The following DIAPH1 variants were observed in gnomAD, a reference collection of about 807,000 sequenced individuals.
The protein encoded by DIAPH1 is diaphanous related formin 1, also known as protein diaphanous homolog 1.
In DIAPH1, 46 loss-of-function variants were observed where a neutral mutation model predicts 140.7. The observed-to-expected ratio is 0.33, with a 90% CI of 0.26 to 0.42. DIAPH1 has a LOEUF of 0.42. Ranked by LOEUF, DIAPH1 falls within the 10% of genes least tolerant of loss-of-function variation. DIAPH1 has a pLI of 1.00. For missense variants in DIAPH1, 1,310 were observed against 1,558.7 expected (o/e 0.84, Z 2.69); for synonymous variants, 565 against 551.6 (o/e 1.02, Z -0.34).
intron 18 of DIAPH1, among the ~76,000 whole-genome samples, chr5:141,542,491 C>T (rs72790087): frequency 0.023 from 3,439 of 151,884 alleles, 53 homozygotes; most frequent in East Asian, 0.046. Flanking sequence ...CAAACTGTGG[C>T]ATATGCAATG....
At chr5:141,553,620 G>A (rs2099892092) in intron 18 of DIAPH1, among the ~76,000 whole-genome samples, 1 of 151,852 alleles carries the variant, frequency 6.6e-6, no homozygotes, top group African/African-American at 2.4e-5. Flanking sequence ...TCCAGCCTGG[G>A]CAACAAGAGC....
rs1314757838 is a variant in DIAPH1, at chr5:141,515,481, G to A, written c.*1370C>T. 1 of 152,178 alleles carries A rather than the reference G, an allele frequency of 6.6e-6. No homozygotes were observed. The highest frequency in any genetic ancestry group is 1.5e-5 in the Non-Finnish European group (1 of 68,058). 9.4% of individuals were successfully genotyped at this position (152,178 alleles called of 1,614,324 possible). A position where few individuals can be genotyped will look rare whatever the true frequency, so the allele number is the denominator to read the frequency against. On this transcript the variant is annotated 3_prime_UTR_variant, in exon 28 of 28. Transcript: ENST00000389054. ...GGAAAGCTGAGAGGGGCACAAGGAGGGCAAAAGTATCACCCTAAGCCAGAG... is the reference window on the plus strand; with the variant it reads ...GGAAAGCTGAGAGGGGCACAAGGAGAGCAAAAGTATCACCCTAAGCCAGAG...
intron 8 of DIAPH1, among the ~76,000 whole-genome samples, chr5:141,579,809 G>A (rs980661681): frequency 6.6e-6 from 1 of 152,006 alleles, no homozygotes; most frequent in Non-Finnish European, 1.5e-5. Context: ...TTAGCCAGGC[G>A]TGGTGGCGGA....
rs183762211 is a variant in DIAPH1, at chr5:141,616,356, C to T, written c.117+2442G>A. 3.7e-4 allele frequency among the ~76,000 whole-genome samples: 57 copies of T among 152,282 alleles called. No individual in the cohort carries two copies. In the Middle Eastern group the frequency reaches 0.01, roughly 27 times the overall value. ...TAAACCCTCAAATGCAAACAACCTT[C>T]GGGCACACTTAGTCCAAACCAGTGC... On this transcript the variant is annotated intron_variant, in intron 1 of 27. Transcript: ENST00000389054.
At chr5:141,526,739 C>T (rs1165343865) in intron 24 of DIAPH1, among the ~76,000 whole-genome samples, 1 of 152,066 alleles carries the variant, frequency 6.6e-6, no homozygotes, top group Non-Finnish European at 1.5e-5. Context: ...GTTCTATCGC[C>T]GGGCAGGAGT....
chr5:141,517,125 A>G, intron 27 of DIAPH1, 117 bp from the exon 28 acceptor site: 1 of 1,166,820 alleles, frequency 8.6e-7, no homozygotes, highest in East Asian at 2.5e-5. Context: ...GCCACTTCAC[A>G]GAGGCCCTTA....
rs1423763793 is a variant in DIAPH1 at position 141,516,968 on chromosome 5, A to T, written c.3702T>A (p.Ala1234=). 6.2e-7 allele frequency: 1 copy of T among 1,614,210 alleles called. No individual in the cohort carries two copies. The highest frequency in any genetic ancestry group is 8.5e-7 in the Non-Finnish European group (1 of 1,180,038). ...KAGCAVTSLL[A]SELTKDDAMA... ...TGGCATCATCCTTGGTCAGCTCCGA[A>T]GCTAGCAGAGATGTGACTGCACACC... is the stretch of plus-strand genomic sequence containing the variant. The change falls in exon 28 of 28, where the codon GCT becomes GCA. Residue 1234 remains alanine (A), a synonymous_variant. Coordinates refer to ENST00000389054, the MANE Select transcript of DIAPH1 (RefSeq NM_005219.5).
At position 141,526,320 on chromosome 5, in the gene DIAPH1, G is replaced by T. The variant is rs758163133; in HGVS notation, c.3415C>A (p.His1139Asn). The part of the protein sequence containing the change: ...LSVEEFFMDL[H>N]NFRNMFLQAV... ...ACCAAAAACATATTCCGAAAATTGTGAAGATCCATGAAAAATTCTTCAACA... is the reference window on the plus strand; with the variant it reads ...ACCAAAAACATATTCCGAAAATTGTTAAGATCCATGAAAAATTCTTCAACA... The change falls in exon 25 of 28, where the codon CAC becomes AAC. Residue 1139 changes from histidine (H) to asparagine (N), a missense_variant. By Grantham distance (68) the His-to-Asn change is moderately conservative (BLOSUM62 1). Transcript: ENST00000389054. The T allele has an allele frequency of 2.4e-5, 38 of 1,614,094 alleles. 1 individual carries two copies. The South Asian group carries it at 4.0e-4, about 17-fold the overall frequency.
intron 18 of DIAPH1, among the ~76,000 whole-genome samples, chr5:141,557,480 T>TAA (rs56178659): frequency 6.6e-6 from 1 of 152,174 alleles, no homozygotes; most frequent in South Asian, 2.1e-4. Context: ...TAACATTTTT[T>TAA]AAAAAAATTC....
At chr5:141,612,646 G>C (rs938351721) in intron 1 of DIAPH1, among the ~76,000 whole-genome samples, 1 of 152,208 alleles carries the variant, frequency 6.6e-6, no homozygotes, top group Non-Finnish European at 1.5e-5. Flanking sequence ...ACGAGGATGG[G>C]TGAGAGGGAG....
At chr5:141,606,361 C>G (rs2099900963) in intron 1 of DIAPH1, among the ~76,000 whole-genome samples, 1 of 152,126 alleles carries the variant, frequency 6.6e-6, no homozygotes, top group South Asian at 2.1e-4. Context: ...GTAACAATCC[C>G]TAAGGGCACT....
intron 18 of DIAPH1, among the ~76,000 whole-genome samples, chr5:141,538,471 G>A (rs1377181428): frequency 6.6e-6 from 1 of 152,062 alleles, no homozygotes; most frequent in Admixed American, 6.5e-5. Context: ...TCCTGCCTCA[G>A]CATCCCAAGT....
In DIAPH1 at chr5:141,565,468, A is replaced by G. The variant is rs1022067688; in HGVS notation, c.2482+5960T>C. Among the ~76,000 whole-genome samples, 2 of 152,222 alleles carry G rather than the reference A, an allele frequency of 1.3e-5. No individual in the cohort carries two copies. Among genetic ancestry groups the G allele is most frequent in the African/African-American group, 4.8e-5 (2 of 41,468 alleles). Reference sequence around the variant, plus strand: ...ACCCTGTATTTCCAGTGTATTCTACATATTTGTTAAAATGATGATAACAAA... The same window carrying G: ...ACCCTGTATTTCCAGTGTATTCTACGTATTTGTTAAAATGATGATAACAAA... On this transcript the variant is annotated intron_variant, in intron 18 of 27. Transcript: ENST00000389054. The surrounding 1 kb of genome is among the most constrained non-coding windows in gnomAD (Gnocchi z 4.3).
intron 27 of DIAPH1, among the ~76,000 whole-genome samples, chr5:141,522,626 G>A (rs577740200): frequency 6.6e-6 from 1 of 151,446 alleles, no homozygotes. Flanking sequence ...TTTTTGTAAG[G>A]CTAGAAATGC....
In DIAPH1 at chr5:141,531,323, T is replaced by C. The variant is rs926239048; in HGVS notation, c.2582-1626A>G. On this transcript the variant is annotated intron_variant, in intron 19 of 27. Transcript: ENST00000389054. ...CTTCTCTCTCTCTCTCTCTTTTTTT[T>C]TTTTGAGACAGCATCTCACTCTGTT... Among the ~76,000 whole-genome samples the C allele has an allele frequency of 6.6e-5, 10 of 152,084 alleles. No homozygotes were observed. In the South Asian group the frequency reaches 2.1e-3, roughly 32 times the overall value.
chr5:141,561,644 C>CA (rs1449491423), intron 18 of DIAPH1, among the ~76,000 whole-genome samples: 1 of 152,190 alleles, frequency 6.6e-6, no homozygotes, highest in East Asian at 1.9e-4. Flanking sequence ...AGTACCCTAA[C>CA]AAAATCTCTG....
intron 11 of DIAPH1, chr5:141,577,877 C>T (rs1009012923): frequency 2.0e-6 from 1 of 497,442 alleles, no homozygotes; most frequent in Non-Finnish European, 3.6e-6. Context: ...AAGTCACTTA[C>T]TGAAAATATT....
At chr5:141,530,525 T>C (rs567443794) in intron 19 of DIAPH1, among the ~76,000 whole-genome samples, 11 of 152,336 alleles carry the variant, frequency 7.2e-5, no homozygotes, top group African/African-American at 2.6e-4. Flanking sequence ...GCACCAATGA[T>C]AACTGGGGCC....
chr5:141,617,949 G>A (rs2099902946), intron 1 of DIAPH1, among the ~76,000 whole-genome samples: 1 of 152,242 alleles, frequency 6.6e-6, no homozygotes, highest in African/African-American at 2.4e-5. Flanking sequence ...GAGTAGAGGA[G>A]ACGGTTATCA....
Sources: allele counts gnomAD v4.1 joint callset (sites outside exome capture counted in the v4.1 genomes callset), GRCh38; gene constraint gnomAD v4.1.1; non-coding constraint Gnocchi (gnomAD v3.1); transcripts MANE v1.5; gene names NCBI Gene and HGNC (gene_info 2026-07-23, HGNC 2026-07-21).